NEK10: variants seen among roughly 807,000 people sequenced by gnomAD.
NEK10 encodes serine/threonine-protein kinase Nek10.
Under a neutral mutation model 159.8 loss-of-function variants are expected in NEK10, and 122 were observed. That is an observed-to-expected ratio of 0.76 (90% CI 0.66 to 0.89). The LOEUF is 0.89. NEK10 is among the 40% of genes least tolerant of loss of function. The pLI, the probability that NEK10 is intolerant of heterozygous loss-of-function variation, is 0.00. For synonymous variants in NEK10, 466 were observed against 457.1 expected, an observed-to-expected ratio of 1.02 and a Z score of -0.25; for missense variants, 1,342 against 1,323.1, an observed-to-expected ratio of 1.01 and a Z score of -0.22.
intron 30 of NEK10, among the ~76,000 whole-genome samples, chr3:27,147,126 T>C (rs1210545038): frequency 6.6e-6 from 1 of 152,170 alleles, no homozygotes; most frequent in African/African-American, 2.4e-5. Flanking sequence ...AGTTTCTTCA[T>C]ATGAAATGGC....
chr3:27,268,601 T>C (rs1342934801), intron 22 of NEK10, among the ~76,000 whole-genome samples: 3 of 152,238 alleles, frequency 2.0e-5, no homozygotes, highest in Admixed American at 6.5e-5. Flanking sequence ...TTTAAGCCCA[T>C]TGTTAAGAAC....
chr3:27,305,487 C>T (rs1413377490), intron 11 of NEK10, among the ~76,000 whole-genome samples: 1 of 151,968 alleles, frequency 6.6e-6, no homozygotes, highest in Admixed American at 6.6e-5. Flanking sequence ...TCACTTGCCA[C>T]TGCACTCCAG....
At chr3:27,366,335 C>G (rs998111952) in intron 1 of NEK10, among the ~76,000 whole-genome samples, 6 of 152,156 alleles carry the variant, frequency 3.9e-5, no homozygotes, top group Admixed American at 2.6e-4. Context: ...CTCTACTGCG[C>G]CCTGAGAACT....
intron 1 of NEK10, among the ~76,000 whole-genome samples, chr3:27,360,074 G>A (rs1023103353): frequency 6.6e-6 from 1 of 152,196 alleles, no homozygotes; most frequent in Admixed American, 6.5e-5. Context: ...AACATAACTT[G>A]CTAATACCCA....
chr3:27,281,061 CAAAAT>C (rs902785615), intron 22 of NEK10, among the ~76,000 whole-genome samples: 2 of 150,194 alleles, frequency 1.3e-5, no homozygotes, highest in African/African-American at 4.9e-5. Context: ...AAATAAAACA[CAAAAT>C]AAGACAAAAA....
intron 23 of NEK10, among the ~76,000 whole-genome samples, chr3:27,206,341 A>C (rs559471905): frequency 2.6e-5 from 4 of 152,204 alleles, no homozygotes; most frequent in Non-Finnish European, 5.9e-5. Context: ...CAGAGAAGAT[A>C]TAAAATAAAA....
rs536655572 is a variant in NEK10, at chr3:27,369,203, G to T, written c.-38+22C>A. The T allele has an allele frequency of 1.8e-3, 273 of 152,356 alleles. 2 individuals are homozygous for T. Among genetic ancestry groups the T allele is most frequent in the Admixed American group, 5.2e-3 (80 of 15,300 alleles). The allele number at this position is 152,356 out of a possible 1,614,324, so 9.4% of individuals were successfully genotyped here. ...TCAAGCTGCTCGCCGGCACAGCCGA[G>T]CACCGGCTCCCGCCTACTCACCGCG... On this transcript the variant is annotated intron_variant, in intron 1 of 35. Transcript: ENST00000691995. The surrounding 1 kb of genome is among the most constrained non-coding windows in gnomAD (Gnocchi z 4.2).
intron 23 of NEK10, among the ~76,000 whole-genome samples, chr3:27,204,224 T>C (rs1950286314): frequency 6.8e-6 from 1 of 147,864 alleles, no homozygotes; most frequent in African/African-American, 2.5e-5. Flanking sequence ...AGCCAGCACC[T>C]GCACTTGTTT....
chr3:27,244,966 G>A (rs1056292497), intron 23 of NEK10, among the ~76,000 whole-genome samples: 1 of 152,156 alleles, frequency 6.6e-6, no homozygotes, highest in African/African-American at 2.4e-5. Context: ...TTTTTCCAAT[G>A]AAATCTGAAC....
intron 23 of NEK10, among the ~76,000 whole-genome samples, chr3:27,220,923 A>C (rs1198450361): frequency 6.6e-6 from 1 of 152,220 alleles, no homozygotes; most frequent in East Asian, 1.9e-4. Flanking sequence ...TCAATAGGAA[A>C]AGAAGTTATT....
At chr3:27,262,938 C>A (rs2040542889) in intron 22 of NEK10, among the ~76,000 whole-genome samples, 1 of 152,114 alleles carries the variant, frequency 6.6e-6, no homozygotes, top group African/African-American at 2.4e-5. Context: ...TTTTCCTGCC[C>A]CATCTTTGTG....
chr3:27,365,600 T>TC, intron 1 of NEK10, among the ~76,000 whole-genome samples: 1 of 102,736 alleles, frequency 9.7e-6, no homozygotes, highest in South Asian at 3.3e-4. Context: ...TTTTTGTGTT[T>TC]TTTTTTTGTG....
At chr3:27,187,608 G>C (rs1948738038) in intron 26 of NEK10, among the ~76,000 whole-genome samples, 1 of 152,048 alleles carries the variant, frequency 6.6e-6, no homozygotes, top group South Asian at 2.1e-4. Context: ...AACCAGGACA[G>C]AGGAGTGTAA....
chr3:27,270,137 C>A (rs747509260), intron 22 of NEK10, among the ~76,000 whole-genome samples: 1 of 152,122 alleles, frequency 6.6e-6, no homozygotes, highest in Non-Finnish European at 1.5e-5. Flanking sequence ...TTCCAAGGTT[C>A]GGTTATAAAG....
chr3:27,300,604 T>C (rs548804577), intron 13 of NEK10, among the ~76,000 whole-genome samples: 49 of 152,324 alleles, frequency 3.2e-4, no homozygotes, highest in African/African-American at 1.2e-3. Context: ...GTGTAGGCTA[T>C]ATTTCCAGTT....
At chr3:27,245,678 A>G (rs1333834705) in intron 23 of NEK10, among the ~76,000 whole-genome samples, 1 of 152,190 alleles carries the variant, frequency 6.6e-6, no homozygotes, top group Non-Finnish European at 1.5e-5. Flanking sequence ...TTAAGCAACT[A>G]AATTTTGGGA....
chr3:27,286,577 A>G (rs544407806), intron 20 of NEK10, among the ~76,000 whole-genome samples: 1,371 of 108,610 alleles, frequency 0.013, 35 homozygotes, highest in African/African-American at 0.052. Context: ...TTAAGTAGAG[A>G]CAGGGTTTCA....
intron 23 of NEK10, among the ~76,000 whole-genome samples, chr3:27,213,240 C>G (rs1951176664): frequency 6.6e-6 from 1 of 152,082 alleles, no homozygotes; most frequent in Non-Finnish European, 1.5e-5. Flanking sequence ...GTTCAAGATG[C>G]CAAGAACCTG....
chr3:27,168,538 C>A (rs1451741208), intron 29 of NEK10, among the ~76,000 whole-genome samples: 1 of 152,126 alleles, frequency 6.6e-6, no homozygotes, highest in Non-Finnish European at 1.5e-5. Context: ...CCAGGGATTA[C>A]CTGGGAGGGA....
Sources: allele counts gnomAD v4.1 joint callset (sites outside exome capture counted in the v4.1 genomes callset), GRCh38; gene constraint gnomAD v4.1.1; non-coding constraint Gnocchi (gnomAD v3.1); transcripts MANE v1.5; gene names NCBI Gene and HGNC (gene_info 2026-07-23, HGNC 2026-07-21).